AKR1C1: variants seen among roughly 807,000 people sequenced by gnomAD.
AKR1C1 encodes aldo-keto reductase family 1 member C1, also known as 20 alpha-hydroxysteroid dehydrogenase.
A neutral mutation model predicts 40.6 loss-of-function variants in AKR1C1; 32 were observed. That is an observed-to-expected ratio of 0.79 (90% CI 0.60 to 1.06). The LOEUF (loss-of-function observed/expected upper bound fraction) is 1.06, where lower values mean the gene tolerates loss of function less well. Ranked by LOEUF, AKR1C1 falls within the 50% of genes least tolerant of loss-of-function variation. AKR1C1 has a pLI of 0.00. For missense variants in AKR1C1, 320 were observed against 363.5 expected (o/e 0.88, Z 0.97); for synonymous variants, 105 against 134.2 (o/e 0.78, Z 1.50).
rs567117153 is a variant in AKR1C1, at chr10:4,979,373, T to C, written c.*1631T>C. On this transcript the variant is annotated 3_prime_UTR_variant, in exon 9 of 9. Transcript: ENST00000380872. ...TGCAATAGAAGATCACAATGTGAAC[T>C]CTGCATCTCCATGTTAAAGTCTAAT... is the stretch of plus-strand genomic sequence containing the variant. 6.6e-6 allele frequency: 1 copy of C among 152,344 alleles called. No individual in the cohort carries two copies. The highest frequency in any genetic ancestry group is 2.4e-5 in the African/African-American group (1 of 41,586). The allele number at this position is 152,344 out of a possible 1,614,324, so 9.4% of individuals were successfully genotyped here.
At chr10:4,972,382 T>G in intron 6 of AKR1C1, 72 bp downstream of exon 6, 2 of 1,586,076 alleles carry the variant, frequency 1.3e-6, no homozygotes, top group Non-Finnish European at 1.7e-6. Flanking sequence ...TCATGCTGTT[T>G]CCTGGAGTTC....
At chr10:4,966,469 C>T (rs570133279) in intron 2 of AKR1C1, among the ~76,000 whole-genome samples, 2 of 152,302 alleles carry the variant, frequency 1.3e-5, no homozygotes, top group Admixed American at 1.3e-4. Flanking sequence ...TATAAGCAAG[C>T]TCTGTGAGTA....
At position 4,969,628 on chromosome 10, in the gene AKR1C1, CA is replaced by C. The variant is rs1836392377; in HGVS notation, c.570+686del. ...CTGCTCTTCTTTGGAGTCTGTCATG[CA>C]ATCAGCTGCTTAAACACATCTATTC... On this transcript the variant is annotated intron_variant, in intron 5 of 8. Coordinates refer to ENST00000380872, the MANE Select transcript of AKR1C1 (RefSeq NM_001353.6). 6 of 1,595,764 alleles carry C rather than the reference CA, an allele frequency of 3.8e-6. No individual in the cohort carries two copies. In the East Asian group the frequency reaches 1.3e-4, roughly 36 times the overall value.
At chr10:4,968,168 G>T in intron 3 of AKR1C1, 141 bp from the exon 4 acceptor site, 1 of 1,153,574 alleles carries the variant, frequency 8.7e-7, no homozygotes, top group Admixed American at 2.3e-5. Context: ...TTCATATGTA[G>T]TACACTCTGT....
chr10:4,965,753 A>T lies in AKR1C1; in HGVS notation c.85-161A>T, dbSNP rs1204279145. 13 of 782,460 alleles carry T rather than the reference A, an allele frequency of 1.7e-5. No individual in the cohort carries two copies. The East Asian group carries it at 3.8e-4, about 23-fold the overall frequency. 48.5% of individuals were successfully genotyped at this position (782,460 alleles called of 1,614,324 possible). ...CTGCTGTGCCCAACCTTTATTACTA[A>T]CTGGGAAAGACCCAGGGAGACTGGG... On this transcript the variant is annotated intron_variant, in intron 1 of 8. Transcript: ENST00000380872.
chr10:4,980,973 A>G lies in AKR1C1; in HGVS notation c.*3231A>G, dbSNP rs376340787. 1.2e-4 allele frequency: 18 copies of G among 152,350 alleles called. No individual in the cohort carries two copies. In the East Asian group the frequency reaches 1.3e-3, roughly 11 times the overall value. The allele number at this position is 152,350 out of a possible 1,614,324, so 9.4% of individuals were successfully genotyped here. ...CCTGAACCATAAAACAAGAACATCA[A>G]AATTACTCTATGATCCATGGGAAAC... On this transcript the variant is annotated 3_prime_UTR_variant, in exon 9 of 9. Coordinates refer to ENST00000380872, the MANE Select transcript of AKR1C1 (RefSeq NM_001353.6).
At chr10:4,968,244 C>G in intron 3 of AKR1C1, 65 bp from the exon 4 acceptor site, 1 of 1,429,186 alleles carries the variant, frequency 7.0e-7, no homozygotes, top group Non-Finnish European at 9.6e-7. Flanking sequence ...AAATGTACCT[C>G]AGAGCATGGC....
At chr10:4,977,667 A>T (rs1336321758) in intron 8 of AKR1C1, 33 bp from the exon 9 acceptor site, 1 of 1,612,654 alleles carries the variant, frequency 6.2e-7, no homozygotes, top group Admixed American at 1.7e-5. Context: ...AGTCATTGCC[A>T]TTCAGAGTGT....
In AKR1C1 at chr10:4,977,771, G is replaced by C. The variant is rs782206454; in HGVS notation, c.*29G>C. ...GGAGGGCATTGCATGAGGTCTGCCA[G>C]AAGGCCCTGCGTGTGGATGGTGACA... On this transcript the variant is annotated 3_prime_UTR_variant, in exon 9 of 9. Transcript: ENST00000380872. 4.4e-6 allele frequency: 7 copies of C among 1,580,346 alleles called. No individual in the cohort carries two copies. The South Asian group carries it at 4.4e-5, about 10-fold the overall frequency.
chr10:4,968,492 T>G, intron 4 of AKR1C1, 106 bp downstream of exon 4: 7 of 1,462,414 alleles, frequency 4.8e-6, no homozygotes, highest in Non-Finnish European at 5.6e-6. Context: ...GATCAAAAAC[T>G]TAGGAACTTT....
Position 4,982,641 on chromosome 10 carries a change from T to G in AKR1C1, c.*4899T>G. ...CTGGTAGCTTAACACAAAGATACAC[T>G]TTTAGGAGCTTCATAGCCCCTCTTC... is the stretch of plus-strand genomic sequence containing the variant. On this transcript the variant is annotated 3_prime_UTR_variant, in exon 9 of 9. Coordinates refer to ENST00000380872, the MANE Select transcript of AKR1C1 (RefSeq NM_001353.6). 1 of 261,518 alleles carries G rather than the reference T, an allele frequency of 3.8e-6. No individual in the cohort carries two copies. The highest frequency in any genetic ancestry group is 7.5e-6 in the Non-Finnish European group (1 of 133,476). The allele number at this position is 261,518 out of a possible 1,614,324, so 16.2% of individuals were successfully genotyped here. A position where few individuals can be genotyped will look rare whatever the true frequency, so the allele number is the denominator to read the frequency against.
In AKR1C1 at chr10:4,968,962, C is replaced by T; in HGVS notation, c.570+18C>T. 2 of 1,614,166 alleles carry T rather than the reference C, an allele frequency of 1.2e-6. No homozygotes were observed. The highest frequency in any genetic ancestry group is 1.7e-6 in the Non-Finnish European group (2 of 1,180,024). On this transcript the variant is annotated intron_variant, in intron 5 of 8. Coordinates refer to ENST00000380872, the MANE Select transcript of AKR1C1 (RefSeq NM_001353.6). ...GCAACCAGGTGAGCACCCTCAGCCT[C>T]CTCTCCTTTCTGTTCTTCATGCCCC... is the stretch of plus-strand genomic sequence containing the variant.
At position 4,983,070 on chromosome 10, in the gene AKR1C1, C is replaced by A. The variant is rs985528081; in HGVS notation, c.*5328C>A. The A allele has an allele frequency of 2.8e-6, 1 of 362,000 alleles. No homozygotes were observed. The highest frequency in any genetic ancestry group is 5.5e-6 in the Non-Finnish European group (1 of 182,872). 22.4% of individuals were successfully genotyped at this position (362,000 alleles called of 1,614,324 possible). ...CTGGGAGACTTGTGCTGAGGTGAAG[C>A]CTGGGCTGGATGGCTGGAGGATGAA... On this transcript the variant is annotated 3_prime_UTR_variant, in exon 9 of 9. Transcript: ENST00000380872.
chr10:4,981,708 G>C lies in AKR1C1; in HGVS notation c.*3966G>C, dbSNP rs1386716461. On this transcript the variant is annotated 3_prime_UTR_variant, in exon 9 of 9. Transcript: ENST00000380872. ...CACTCCAGAGCATACATCCCCACTG[G>C]GGATCTGGAAATTCAGGCCACAAGA... The C allele has an allele frequency of 1.3e-5, 2 of 152,218 alleles. No homozygotes were observed. Among genetic ancestry groups the C allele is most frequent in the Non-Finnish European group, 2.9e-5 (2 of 68,054 alleles). The allele number at this position is 152,218 out of a possible 1,614,324, so 9.4% of individuals were successfully genotyped here.
chr10:4,974,582 T>C (rs1469432705), intron 7 of AKR1C1, among the ~76,000 whole-genome samples: 2 of 152,098 alleles, frequency 1.3e-5, no homozygotes, highest in Non-Finnish European at 2.9e-5. Context: ...TCTAATGGGA[T>C]TGACTTTTTA....
At chr10:4,977,627 A>G (rs1336443477) in intron 8 of AKR1C1, 73 bp from the exon 9 acceptor site, 43 of 1,593,396 alleles carry the variant, frequency 2.7e-5, no homozygotes, top group African/African-American at 5.4e-5. Context: ...GCAGCTTCCT[A>G]GAAATCACTG....
chr10:4,968,347 A>G lies in AKR1C1; in HGVS notation c.408A>G (p.Lys136=). Residue 136 remains lysine (K), a synonymous_variant, in exon 4 of 9, where the codon AAA becomes AAG. Transcript: ENST00000380872. The part of the protein sequence containing the change: ...EEVIPKDENG[K]ILFDTVDLCA... ...TGATCCCAAAAGATGAAAATGGAAA[A>G]ATACTATTTGACACAGTGGATCTCT... 1 of 1,575,264 alleles carries G rather than the reference A, an allele frequency of 6.3e-7. No homozygotes were observed. The highest frequency in any genetic ancestry group is 8.7e-7 in the Non-Finnish European group (1 of 1,155,976).
chr10:4,977,649 A>G lies in AKR1C1; in HGVS notation c.930-51A>G, dbSNP rs111960754. 1,368 of 1,611,784 alleles carry G rather than the reference A, an allele frequency of 8.5e-4. 13 individuals are homozygous for G. In the African/African-American group the frequency reaches 0.015, roughly 18 times the overall value. On this transcript the variant is annotated intron_variant, in intron 8 of 8. Coordinates refer to ENST00000380872, the MANE Select transcript of AKR1C1 (RefSeq NM_001353.6). ...CCTAGAAATCACTGCACTACCCGCT[A>G]GTAACGGAGTCATTGCCATTCAGAG... is the stretch of plus-strand genomic sequence containing the variant.
chr10:4,970,175 G>T (rs1588560767), intron 5 of AKR1C1, among the ~76,000 whole-genome samples: 1 of 152,120 alleles, frequency 6.6e-6, no homozygotes, highest in Non-Finnish European at 1.5e-5. Flanking sequence ...CTCAAAGCAT[G>T]TCACAGGAAT....
Sources: gnomAD v4.1 joint callset for allele counts (sites outside exome capture counted in the v4.1 genomes callset) on GRCh38, gnomAD v4.1.1 for gene constraint, MANE v1.5 for transcripts, NCBI Gene and HGNC (gene_info 2026-07-23, HGNC 2026-07-21) for gene names.